COL26A1: variants seen among roughly 807,000 people sequenced by gnomAD.
The protein encoded by COL26A1 is collagen type XXVI alpha 1 chain, also known as collagen alpha-1(XXVI) chain.
Under a neutral mutation model 59.3 loss-of-function variants are expected in COL26A1, and 41 were observed. That is an observed-to-expected ratio of 0.69 (90% CI 0.54 to 0.90). COL26A1 has a LOEUF of 0.90. COL26A1 is among the 40% of genes least tolerant of loss of function. The probability of loss-of-function intolerance (pLI) is 0.00; values close to 1 mark genes in which losing one functional copy is unlikely to be tolerated. For missense variants in COL26A1, 612 were observed against 602.3 expected, an observed-to-expected ratio of 1.02 and a Z score of -0.17; for synonymous variants, 266 against 256.0, an observed-to-expected ratio of 1.04 and a Z score of -0.37.
chr7:101,415,681 A>G (rs1233136031), intron 1 of COL26A1, among the ~76,000 whole-genome samples: 2 of 151,982 alleles, frequency 1.3e-5, no homozygotes. Flanking sequence ...TCCAGACTGG[A>G]GTGCAGTGGT....
At chr7:101,369,122 G>C (rs1452831915) in intron 1 of COL26A1, among the ~76,000 whole-genome samples, 1 of 152,016 alleles carries the variant, frequency 6.6e-6, no homozygotes, top group Admixed American at 6.6e-5. Flanking sequence ...AAAAAGCAAA[G>C]ATGGGGGGGC....
intron 4 of COL26A1, among the ~76,000 whole-genome samples, chr7:101,533,487 G>A (rs1795413165): frequency 1.3e-5 from 2 of 152,266 alleles, no homozygotes; most frequent in South Asian, 4.2e-4. Context: ...CCAGAATGGG[G>A]CTGGGCACAG....
chr7:101,431,201 A>C (rs1792771546), intron 2 of COL26A1, among the ~76,000 whole-genome samples: 1 of 152,192 alleles, frequency 6.6e-6, no homozygotes, highest in Non-Finnish European at 1.5e-5. Flanking sequence ...TTTGTTCACA[A>C]TAAAACATTC....
chr7:101,488,377 T>TATATAC (rs1396620345), intron 3 of COL26A1, among the ~76,000 whole-genome samples: 8 of 45,898 alleles, frequency 1.7e-4, no homozygotes, highest in African/African-American at 6.2e-4. Flanking sequence ...TATATATATA[T>TATATAC]ACACACACAT....
At chr7:101,475,924 TTCTC>T (rs915213781) in intron 3 of COL26A1, among the ~76,000 whole-genome samples, 15 of 138,942 alleles carry the variant, frequency 1.1e-4, no homozygotes, top group Admixed American at 2.9e-4. Context: ...CTCTCTTTCT[TTCTC>T]TCTCTCTTTC....
intron 2 of COL26A1, among the ~76,000 whole-genome samples, chr7:101,425,849 C>T (rs1357513861): frequency 8.3e-6 from 1 of 121,082 alleles, no homozygotes; most frequent in Non-Finnish European, 1.7e-5. Context: ...TTTTTGGAGA[C>T]GGAATGTCAT....
chr7:101,540,555 A>AAT (rs1795593496), intron 5 of COL26A1, among the ~76,000 whole-genome samples: 1 of 150,356 alleles, frequency 6.7e-6, no homozygotes, highest in Non-Finnish European at 1.5e-5. Context: ...AAAAAAAAAA[A>AAT]GTAGACCATC....
chr7:101,377,718 T>A (rs1275801054), intron 1 of COL26A1, among the ~76,000 whole-genome samples: 1 of 152,154 alleles, frequency 6.6e-6, no homozygotes, highest in African/African-American at 2.4e-5. Flanking sequence ...GGAGCTACTA[T>A]GACCAGCAGT....
At chr7:101,538,853 C>T (rs769677045) in intron 4 of COL26A1, among the ~76,000 whole-genome samples, 1 of 152,220 alleles carries the variant, frequency 6.6e-6, no homozygotes, top group East Asian at 1.9e-4. Context: ...GCTACTCAGG[C>T]AGACCATCTG....
At chr7:101,515,859 G>T (rs1245037330) in intron 3 of COL26A1, among the ~76,000 whole-genome samples, 1 of 152,172 alleles carries the variant, frequency 6.6e-6, no homozygotes, top group African/African-American at 2.4e-5. Context: ...AAAGTGCTGG[G>T]ATTACAGGCA....
intron 3 of COL26A1, among the ~76,000 whole-genome samples, chr7:101,506,374 A>T (rs1022210466): frequency 6.6e-6 from 1 of 152,208 alleles, no homozygotes; most frequent in Non-Finnish European, 1.5e-5. Flanking sequence ...AACATGCTTT[A>T]TTTTATTTTG....
At chr7:101,406,115 C>A (rs1792123219) in intron 1 of COL26A1, among the ~76,000 whole-genome samples, 1 of 152,260 alleles carries the variant, frequency 6.6e-6, no homozygotes, top group African/African-American at 2.4e-5. Context: ...GAAACCATGT[C>A]ATCGCCTTTG....
At chr7:101,449,983 G>A (rs1793290351) in intron 3 of COL26A1, among the ~76,000 whole-genome samples, 2 of 152,066 alleles carry the variant, frequency 1.3e-5, no homozygotes, top group South Asian at 4.2e-4. Flanking sequence ...AATTAGCCGG[G>A]CATAGTGGTG....
At chr7:101,529,098 A>G (rs1301071155) in intron 3 of COL26A1, among the ~76,000 whole-genome samples, 1 of 152,010 alleles carries the variant, frequency 6.6e-6, no homozygotes, top group Non-Finnish European at 1.5e-5. Context: ...CCCCGGTGGC[A>G]AAGGTTACAG....
At chr7:101,389,253 G>C (rs985559659) in intron 1 of COL26A1, among the ~76,000 whole-genome samples, 2 of 152,092 alleles carry the variant, frequency 1.3e-5, no homozygotes, top group Non-Finnish European at 1.5e-5. Context: ...ATCTTCCTTG[G>C]AGAAATTTCT....
chr7:101,500,232 G>GA lies in COL26A1; in HGVS notation c.386-32849dup, dbSNP rs201707760. Among the ~76,000 whole-genome samples the GA allele has an allele frequency of 7.4e-3, 1,131 of 152,168 alleles. 8 individuals are homozygous for GA. The highest frequency in any genetic ancestry group is 0.012 in the African/African-American group (504 of 41,548). Reference sequence around the variant, plus strand: ...CTAGCCTTTCCAGGGTTGAAGCGGGGATTGCCGGGAGGGGGGGCAAGTTGA... The same window carrying GA: ...CTAGCCTTTCCAGGGTTGAAGCGGGGAATTGCCGGGAGGGGGGGCAAGTTGA... On this transcript the variant is annotated intron_variant, in intron 3 of 12. Transcript: ENST00000313669.
chr7:101,478,492 ACT>A (rs1422034086), intron 3 of COL26A1, among the ~76,000 whole-genome samples: 1 of 151,992 alleles, frequency 6.6e-6, no homozygotes, highest in Non-Finnish European at 1.5e-5. Flanking sequence ...TAAAGTTAAA[ACT>A]CTGAATCTCC....
chr7:101,526,775 C>T (rs775394248), intron 3 of COL26A1, among the ~76,000 whole-genome samples: 3 of 152,124 alleles, frequency 2.0e-5, no homozygotes, highest in Non-Finnish European at 4.4e-5. Flanking sequence ...AGGAGGTCAC[C>T]GGTGGCAAGA....
At chr7:101,400,751 G>C (rs561531148) in intron 1 of COL26A1, among the ~76,000 whole-genome samples, 31 of 152,120 alleles carry the variant, frequency 2.0e-4, no homozygotes, top group African/African-American at 7.0e-4. Context: ...TAGAGACCGG[G>C]TTTCACCATG....
Sources: gnomAD v4.1 joint callset for allele counts (sites outside exome capture counted in the v4.1 genomes callset) on GRCh38, gnomAD v4.1.1 for gene constraint, MANE v1.5 for transcripts, NCBI Gene and HGNC (gene_info 2026-07-23, HGNC 2026-07-21) for gene names.